Variants in TRMT11 observed in about 807,000 individuals in gnomAD.
TRMT11 encodes the protein tRNA methyltransferase 11.
In TRMT11, 53 loss-of-function variants were observed where a neutral mutation model predicts 62.8. The observed-to-expected ratio is 0.84, with a 90% CI of 0.68 to 1.06. The LOEUF (loss-of-function observed/expected upper bound fraction) is 1.06. Ranked by LOEUF, TRMT11 falls within the 50% of genes least tolerant of loss-of-function variation. TRMT11 has a pLI of 0.00. For missense variants in TRMT11, 556 were observed against 553.4 expected (o/e 1.00, Z -0.05); for synonymous variants, 188 against 190.3 (o/e 0.99, Z 0.10).
chr6:126,121,638 T>TTG (rs1329012706), intron 21 of TRMT11, among the ~76,000 whole-genome samples: 1 of 152,112 alleles, frequency 6.6e-6, no homozygotes, highest in Admixed American at 6.6e-5. Context: ...CCTAGTGCTG[T>TTG]TGTGAGGGTT....
At chr6:126,228,610 G>A in the TRMT11 span, among the ~76,000 whole-genome samples, 1 of 152,148 alleles carries the variant, frequency 6.6e-6, no homozygotes, top group African/African-American at 2.4e-5. Flanking sequence ...GCGCCTGCTG[G>A]TGTGGAACCC....
chr6:126,101,326 A>C (rs1161139049), intron 17 of TRMT11, among the ~76,000 whole-genome samples: 1 of 152,168 alleles, frequency 6.6e-6, no homozygotes, highest in East Asian at 1.9e-4. Context: ...TTAATTATAT[A>C]TATTCCACTT....
intron 1 of TRMT11, among the ~76,000 whole-genome samples, chr6:126,186,416 A>C (rs1380751946): frequency 6.6e-6 from 1 of 152,196 alleles, no homozygotes; most frequent in Non-Finnish European, 1.5e-5. Context: ...TAGTTTAATT[A>C]AATTCCTAGA....
At position 126,032,735 on chromosome 6, in the gene TRMT11, C is replaced by T. The variant is rs149644590; in HGVS notation, c.1261-5970C>T. On this transcript the variant is annotated intron_variant, in intron 12 of 12. Coordinates refer to ENST00000334379, the MANE Select transcript of TRMT11 (RefSeq NM_001031712.3). ...AATGTCTGTCTCTCCCACCACTGTACGTACAAGCTCTGTGAATTCACGGAA... is the reference window on the plus strand; with the variant it reads ...AATGTCTGTCTCTCCCACCACTGTATGTACAAGCTCTGTGAATTCACGGAA... Among the ~76,000 whole-genome samples, 253 of 152,288 alleles carry T rather than the reference C, an allele frequency of 1.7e-3. 2 individuals are homozygous for T. Among genetic ancestry groups the T allele is most frequent in the African/African-American group, 5.8e-3 (242 of 41,552 alleles).
chr6:126,193,650 G>A (rs986461744), intron 1 of TRMT11, among the ~76,000 whole-genome samples: 2 of 151,356 alleles, frequency 1.3e-5, no homozygotes, highest in Non-Finnish European at 2.9e-5. Flanking sequence ...CCGCCACCAC[G>A]CCTGGCTAAT....
chr6:126,244,244 A>G, the TRMT11 span, among the ~76,000 whole-genome samples: 1 of 151,964 alleles, frequency 6.6e-6, no homozygotes, highest in African/African-American at 2.4e-5. Flanking sequence ...AACTCAAATC[A>G]TTAGTATTTT....
chr6:126,038,876 A>G lies in TRMT11; in HGVS notation c.*40A>G, dbSNP rs776387672. 1 of 1,537,182 alleles carries G rather than the reference A, an allele frequency of 6.5e-7. No individual in the cohort carries two copies. Among genetic ancestry groups the G allele is most frequent in the South Asian group, 1.2e-5 (1 of 81,038 alleles). ...ACAATGAAGAAAGAATAAGAATTTGATTTAAAAAGACATCTGGATGTGAAC... is the reference window on the plus strand; with the variant it reads ...ACAATGAAGAAAGAATAAGAATTTGGTTTAAAAAGACATCTGGATGTGAAC... On this transcript the variant is annotated 3_prime_UTR_variant, in exon 13 of 13. Transcript: ENST00000334379.
intron 21 of TRMT11, among the ~76,000 whole-genome samples, chr6:126,161,871 G>A (rs968767147): frequency 6.6e-6 from 1 of 152,052 alleles, no homozygotes; most frequent in African/African-American, 2.4e-5. Flanking sequence ...TTTGTTGGCT[G>A]CATAAATGTC....
chr6:126,022,859 A>G (rs1394808005), intron 12 of TRMT11, among the ~76,000 whole-genome samples: 1 of 152,234 alleles, frequency 6.6e-6, no homozygotes, highest in Non-Finnish European at 1.5e-5. Context: ...TAAAATGAAA[A>G]TGTATGGCAG....
At chr6:126,153,860 GTTAA>G (rs1778085863) in intron 21 of TRMT11, among the ~76,000 whole-genome samples, 1 of 152,188 alleles carries the variant, frequency 6.6e-6, no homozygotes, top group Non-Finnish European at 1.5e-5. Flanking sequence ...GTTGATGATT[GTTAA>G]CCATGTGTGT....
At chr6:126,096,891 CATT>C (rs1188483716) in intron 17 of TRMT11, among the ~76,000 whole-genome samples, 1 of 152,068 alleles carries the variant, frequency 6.6e-6, no homozygotes, top group African/African-American at 2.4e-5. Context: ...GAAAGAAGCT[CATT>C]ATAACAGAAA....
chr6:126,178,280 C>G (rs1426633308), intron 1 of TRMT11, among the ~76,000 whole-genome samples: 1 of 152,148 alleles, frequency 6.6e-6, no homozygotes, highest in Non-Finnish European at 1.5e-5. Flanking sequence ...AAAGACTGTT[C>G]CATGTGAGCT....
chr6:126,199,404 A>G (rs776792201), intron 2 of TRMT11, among the ~76,000 whole-genome samples: 4 of 152,278 alleles, frequency 2.6e-5, no homozygotes, highest in Middle Eastern at 3.4e-3. Flanking sequence ...GAATCTCCCA[A>G]AAGATCATGT....
At chr6:126,237,819 C>A in the TRMT11 span, among the ~76,000 whole-genome samples, 3 of 152,172 alleles carry the variant, frequency 2.0e-5, no homozygotes, top group Non-Finnish European at 4.4e-5. Flanking sequence ...CAGAAGAATT[C>A]GGCTGTGAAT....
chr6:126,223,555 T>C, the TRMT11 span, among the ~76,000 whole-genome samples: 1 of 152,254 alleles, frequency 6.6e-6, no homozygotes, highest in Non-Finnish European at 1.5e-5. Flanking sequence ...GTTCCCTTTG[T>C]AGGTGACCTG....
At chr6:126,055,864 A>G (rs1300635126) in intron 17 of TRMT11, among the ~76,000 whole-genome samples, 1 of 152,208 alleles carries the variant, frequency 6.6e-6, no homozygotes, top group Admixed American at 6.5e-5. Context: ...ACATGGTTTG[A>G]AATTCAAAAC....
At chr6:126,267,090 T>C in the TRMT11 span, among the ~76,000 whole-genome samples, 1 of 152,182 alleles carries the variant, frequency 6.6e-6, no homozygotes, top group African/African-American at 2.4e-5. Context: ...ATTGCTAGTG[T>C]GGAACTCTAG....
At chr6:126,067,293 C>A (rs917092993) in intron 17 of TRMT11, among the ~76,000 whole-genome samples, 4 of 152,086 alleles carry the variant, frequency 2.6e-5, no homozygotes, top group African/African-American at 9.7e-5. Flanking sequence ...ATGTAATCAC[C>A]ACTTAGATCA....
intron 17 of TRMT11, among the ~76,000 whole-genome samples, chr6:126,102,643 G>A (rs570372134): frequency 6.6e-6 from 1 of 152,174 alleles, no homozygotes; most frequent in South Asian, 2.1e-4. Context: ...TGAGGGCAAT[G>A]TGTCCTTGGA....
Sources: gnomAD v4.1 joint callset for allele counts (sites outside exome capture counted in the v4.1 genomes callset) on GRCh38, gnomAD v4.1.1 for gene constraint, MANE v1.5 for transcripts, NCBI Gene and HGNC (gene_info 2026-07-23, HGNC 2026-07-21) for gene names.